Variants in PTPRN2 observed in about 807,000 individuals in gnomAD.
The protein encoded by PTPRN2 is protein tyrosine phosphatase receptor type N2.
In PTPRN2, 74 loss-of-function variants were observed where a neutral mutation model predicts 118.8. That is an observed-to-expected ratio of 0.62 (90% CI 0.52 to 0.76). The LOEUF (loss-of-function observed/expected upper bound fraction) is 0.76, where lower values mean the gene tolerates loss of function less well. PTPRN2 is among the 30% of genes least tolerant of loss of function. PTPRN2 has a pLI of 0.00. For synonymous variants in PTPRN2, 641 were observed against 608.0 expected (o/e 1.05, Z -0.80); for missense variants, 1,481 against 1,394.4 (o/e 1.06, Z -0.99).
chr7:157,724,962 T>A (rs1429482470), intron 12 of PTPRN2, among the ~76,000 whole-genome samples: 2 of 152,214 alleles, frequency 1.3e-5, no homozygotes, highest in Non-Finnish European at 2.9e-5. Flanking sequence ...TATCAATATT[T>A]TAAAGATAAT....
chr7:157,640,926 C>A (rs1256907109), intron 14 of PTPRN2, among the ~76,000 whole-genome samples: 1 of 152,012 alleles, frequency 6.6e-6, no homozygotes, highest in East Asian at 1.9e-4. Context: ...GTAGTTTTAC[C>A]CAAAATGAAG....
intron 19 of PTPRN2, 92 bp from the exon 20 acceptor site, chr7:157,571,585 G>A: frequency 1.1e-6 from 1 of 916,030 alleles, no homozygotes; most frequent in South Asian, 1.6e-5. Flanking sequence ...AGGTCTGTGT[G>A]TTTGAAATCA....
chr7:158,269,885 G>A (rs547507674), intron 3 of PTPRN2, among the ~76,000 whole-genome samples: 2 of 126,762 alleles, frequency 1.6e-5, no homozygotes, highest in South Asian at 4.7e-4. Flanking sequence ...GAGACAGAGA[G>A]AGACAGAGAG....
intron 11 of PTPRN2, among the ~76,000 whole-genome samples, chr7:158,070,037 T>C (rs547403188): frequency 4.7e-4 from 72 of 152,332 alleles, no homozygotes; most frequent in Middle Eastern, 3.4e-3. Context: ...CTCTTGTTTT[T>C]CCTTCTTCCA....
rs1824686045 is a variant in PTPRN2 at position 158,525,293 on chromosome 7, A to AC, written c.113-35509dup. On this transcript the variant is annotated intron_variant, in intron 1 of 22. Coordinates refer to ENST00000389418, the MANE Select transcript of PTPRN2 (RefSeq NM_002847.5). The surrounding 1 kb of genome is among the most constrained non-coding windows in gnomAD (Gnocchi z 4.1). ...AAACTGGGCATCTGCCAAGGAGAAC[A>AC]CACGGCCCCCTAATGTGCAACAAAA... Among the ~76,000 whole-genome samples the AC allele has an allele frequency of 6.6e-6, 1 of 152,186 alleles. No homozygotes were observed. The highest frequency in any genetic ancestry group is 2.1e-4 in the South Asian group (1 of 4,834).
intron 12 of PTPRN2, among the ~76,000 whole-genome samples, chr7:157,825,257 C>T (rs1329450089): frequency 2.0e-5 from 3 of 152,160 alleles, no homozygotes; most frequent in African/African-American, 7.2e-5. Flanking sequence ...TCCTCTTCTT[C>T]CCCCTTCCTG....
chr7:157,686,817 C>G (rs1222458195), intron 12 of PTPRN2, among the ~76,000 whole-genome samples: 1 of 152,000 alleles, frequency 6.6e-6, no homozygotes, highest in Non-Finnish European at 1.5e-5. Context: ...GGCAGGGGTG[C>G]GTCCCGGGTG....
intron 2 of PTPRN2, among the ~76,000 whole-genome samples, chr7:158,364,703 C>T (rs1040646496): frequency 5.9e-5 from 9 of 152,104 alleles, no homozygotes; most frequent in African/African-American, 2.2e-4. Flanking sequence ...GCTGGGAAGT[C>T]GTCATCCAAG....
chr7:157,802,006 G>A (rs944629853), intron 12 of PTPRN2, among the ~76,000 whole-genome samples: 3 of 152,112 alleles, frequency 2.0e-5, no homozygotes, highest in South Asian at 2.1e-4. Context: ...TGGACTTCTC[G>A]GCGTGCAGCT....
chr7:157,604,157 C>G, intron 15 of PTPRN2, 82 bp from the exon 16 acceptor site: 1 of 1,258,104 alleles, frequency 7.9e-7, no homozygotes, highest in Non-Finnish European at 1.2e-6. Flanking sequence ...CAGGGCCCCC[C>G]ACCCAGCAGC....
At chr7:158,313,554 C>T (rs1270524400) in intron 3 of PTPRN2, among the ~76,000 whole-genome samples, 1 of 152,136 alleles carries the variant, frequency 6.6e-6, no homozygotes, top group Non-Finnish European at 1.5e-5. Flanking sequence ...CCTGGGACCT[C>T]TGTCTCTATG....
chr7:158,290,098 G>A (rs1041561126), intron 3 of PTPRN2, among the ~76,000 whole-genome samples: 19 of 152,092 alleles, frequency 1.2e-4, no homozygotes, highest in African/African-American at 4.1e-4. Flanking sequence ...CCCAGAGCTT[G>A]AATTTGTGGG....
chr7:158,063,299 C>A (rs1019816176), intron 11 of PTPRN2, among the ~76,000 whole-genome samples: 10 of 152,200 alleles, frequency 6.6e-5, no homozygotes, highest in Non-Finnish European at 1.5e-5. Context: ...CACCAATCAG[C>A]ACTCTGTGTC....
chr7:157,988,973 TGAA>T (rs1168497125), intron 11 of PTPRN2, among the ~76,000 whole-genome samples: 5 of 152,198 alleles, frequency 3.3e-5, no homozygotes, highest in Non-Finnish European at 7.3e-5. Flanking sequence ...GCCAGTTAAA[TGAA>T]GAAAAAGGCA....
chr7:157,799,213 G>A (rs1379747137), intron 12 of PTPRN2, among the ~76,000 whole-genome samples: 1 of 152,098 alleles, frequency 6.6e-6, no homozygotes, highest in African/African-American at 2.4e-5. Context: ...CTGGAGCGTG[G>A]GTGGGAGGTG....
chr7:158,163,035 G>C (rs1251122277), intron 6 of PTPRN2, among the ~76,000 whole-genome samples: 1 of 152,184 alleles, frequency 6.6e-6, no homozygotes, highest in African/African-American at 2.4e-5. Context: ...GAGAATGTCT[G>C]TCTAGCTAGG....
chr7:158,372,252 G>C (rs35787262), intron 2 of PTPRN2, among the ~76,000 whole-genome samples: 1 of 136,286 alleles, frequency 7.3e-6, no homozygotes, highest in South Asian at 2.3e-4. Context: ...GGCCTCCCCA[G>C]TGCTGGTCCC....
At chr7:158,511,261 G>C (rs1038944393) in intron 1 of PTPRN2, among the ~76,000 whole-genome samples, 1 of 152,104 alleles carries the variant, frequency 6.6e-6, no homozygotes, top group Non-Finnish European at 1.5e-5. Context: ...GGATGGCTAC[G>C]CAATGCTATT....
At chr7:158,149,266 A>T (rs1183192703) in intron 6 of PTPRN2, among the ~76,000 whole-genome samples, 1 of 152,074 alleles carries the variant, frequency 6.6e-6, no homozygotes, top group Non-Finnish European at 1.5e-5. Context: ...CCCAATTTCC[A>T]ACCAAAAGAC....
Sources: gnomAD v4.1 joint callset for allele counts (sites outside exome capture counted in the v4.1 genomes callset) on GRCh38, gnomAD v4.1.1 for gene constraint, Gnocchi (gnomAD v3.1) non-coding constraint, MANE v1.5 for transcripts, NCBI Gene and HGNC (gene_info 2026-07-23, HGNC 2026-07-21) for gene names.